EYS: variants seen among roughly 807,000 people sequenced by gnomAD.
EYS encodes the protein EGF-like photoreceptor maintenance factor.
EYS carries 250 observed loss-of-function variants against 282.1 expected under a neutral mutation model. The observed-to-expected ratio is 0.89, with a 90% CI of 0.80 to 0.98. EYS has a LOEUF of 0.98. Among genes scored for constraint, EYS ranks in the 50% least tolerant of loss-of-function variants. EYS has a pLI of 0.00. For synonymous variants in EYS, 1,355 were observed against 1,282.9 expected, an observed-to-expected ratio of 1.06 and a Z score of -1.20; for missense variants, 4,016 against 3,709.0, an observed-to-expected ratio of 1.08 and a Z score of -2.15.
chr6:64,187,305 T>C (rs1764975130), intron 31 of EYS, among the ~76,000 whole-genome samples: 2 of 151,996 alleles, frequency 1.3e-5, no homozygotes, highest in African/African-American at 4.8e-5. Context: ...TCAAATCTCT[T>C]CCCTTTAAAC....
At chr6:64,667,070 G>A (rs989953285) in intron 22 of EYS, among the ~76,000 whole-genome samples, 2 of 151,746 alleles carry the variant, frequency 1.3e-5, no homozygotes, top group Non-Finnish European at 2.9e-5. Flanking sequence ...ATCAAGAGGA[G>A]TTTCATAGTT....
At chr6:64,673,011 T>A (rs980450154) in intron 22 of EYS, among the ~76,000 whole-genome samples, 1 of 152,162 alleles carries the variant, frequency 6.6e-6, no homozygotes, top group African/African-American at 2.4e-5. Context: ...CCGCATAACT[T>A]CTATCTTTAT....
At chr6:64,717,713 T>A (rs138144580) in intron 22 of EYS, among the ~76,000 whole-genome samples, 2 of 152,266 alleles carry the variant, frequency 1.3e-5, no homozygotes, top group East Asian at 3.9e-4. Context: ...TCCATACCCT[T>A]TGAAACTATG....
intron 30 of EYS, among the ~76,000 whole-genome samples, chr6:64,300,706 C>G (rs890817851): frequency 6.6e-6 from 1 of 152,164 alleles, no homozygotes; most frequent in Non-Finnish European, 1.5e-5. Flanking sequence ...TAATTTGCAA[C>G]CTATAGGGCC....
intron 39 of EYS, among the ~76,000 whole-genome samples, chr6:63,780,043 C>G (rs911543291): frequency 1.3e-5 from 2 of 152,194 alleles, no homozygotes; most frequent in Non-Finnish European, 2.9e-5. Context: ...TGATGGTTTA[C>G]AGCTTCATCC....
At chr6:64,298,709 CTT>C (rs1048926204) in intron 30 of EYS, among the ~76,000 whole-genome samples, 4 of 152,098 alleles carry the variant, frequency 2.6e-5, no homozygotes, top group South Asian at 4.1e-4. Flanking sequence ...TGATTGTACT[CTT>C]GAATCAAAAA....
At chr6:65,613,567 T>A (rs1205357505) in intron 2 of EYS, among the ~76,000 whole-genome samples, 2 of 151,784 alleles carry the variant, frequency 1.3e-5, no homozygotes, top group Non-Finnish European at 3.0e-5. Flanking sequence ...AAATACATGA[T>A]CTGATTGCCA....
intron 2 of EYS, among the ~76,000 whole-genome samples, chr6:65,583,158 T>C (rs1329033223): frequency 6.6e-6 from 1 of 152,114 alleles, no homozygotes; most frequent in East Asian, 1.9e-4. Flanking sequence ...ATAATACTGC[T>C]GTAAAATCTT....
chr6:64,279,806 G>T (rs1562284818), intron 30 of EYS, among the ~76,000 whole-genome samples: 1 of 151,808 alleles, frequency 6.6e-6, no homozygotes, highest in East Asian at 1.9e-4. Context: ...CTTCATTCTT[G>T]ATTTCTCTAC....
chr6:63,836,990 A>G (rs1351422564), intron 36 of EYS, among the ~76,000 whole-genome samples: 1 of 151,964 alleles, frequency 6.6e-6, no homozygotes, highest in Non-Finnish European at 1.5e-5. Flanking sequence ...CTTTTGAAAC[A>G]GTTAATTTGA....
chr6:64,344,145 G>A (rs1771262699), intron 29 of EYS, among the ~76,000 whole-genome samples: 1 of 151,910 alleles, frequency 6.6e-6, no homozygotes, highest in Non-Finnish European at 1.5e-5. Context: ...GGAGCTGGTA[G>A]CATTCCTTCT....
chr6:65,373,521 T>G (rs940159962), intron 8 of EYS, among the ~76,000 whole-genome samples: 7 of 152,058 alleles, frequency 4.6e-5, no homozygotes, highest in African/African-American at 1.7e-4. Context: ...CTGGAATGAC[T>G]TCTAACATTT....
chr6:64,715,834 C>T (rs778545005), intron 22 of EYS, among the ~76,000 whole-genome samples: 4 of 152,196 alleles, frequency 2.6e-5, no homozygotes, highest in Non-Finnish European at 5.9e-5. Flanking sequence ...AGCTTGAATT[C>T]GTTGAGCAGG....
At chr6:63,940,245 A>G (rs1210225183) in intron 35 of EYS, among the ~76,000 whole-genome samples, 10 of 152,170 alleles carry the variant, frequency 6.6e-5, no homozygotes, top group Admixed American at 6.5e-4. Flanking sequence ...CTTGCTATGT[A>G]CCATAGATTG....
chr6:65,599,290 A>G (rs966748427), intron 2 of EYS, among the ~76,000 whole-genome samples: 5 of 152,122 alleles, frequency 3.3e-5, no homozygotes, highest in Non-Finnish European at 2.9e-5. Flanking sequence ...GGTAAACTGT[A>G]TATCTCTTCT....
intron 5 of EYS, among the ~76,000 whole-genome samples, chr6:65,407,547 C>A (rs1015719938): frequency 6.6e-6 from 1 of 152,096 alleles, no homozygotes; most frequent in African/African-American, 2.4e-5. Context: ...AGCCACTATG[C>A]CCGGCCTTGA....
rs1037676600 is a variant in EYS, at chr6:64,513,564, T to C, written c.5645-74212A>G. On this transcript the variant is annotated intron_variant, in intron 26 of 42. Coordinates refer to ENST00000503581, the MANE Select transcript of EYS (RefSeq NM_001142800.2). ...AAATGATTAAGTGCTAAATGGGTAA[T>C]GGATAATGGGCAGCTAATGGATAAC... 3.3e-5 allele frequency among the ~76,000 whole-genome samples: 5 copies of C among 151,884 alleles called. No individual in the cohort carries two copies. In the South Asian group the frequency reaches 1.0e-3, roughly 31 times the overall value.
chr6:65,494,262 T>C (rs1766148703), intron 4 of EYS, among the ~76,000 whole-genome samples: 1 of 151,210 alleles, frequency 6.6e-6, no homozygotes, highest in South Asian at 2.1e-4. Context: ...TTTTTATTTA[T>C]TTATTTTATT....
At position 64,813,539 on chromosome 6, in the gene EYS, A is replaced by G; in HGVS notation, c.3282T>C (p.Cys1094=). The G allele has an allele frequency of 6.5e-7, 1 of 1,550,048 alleles. No individual in the cohort carries two copies. Among genetic ancestry groups the G allele is most frequent in the Non-Finnish European group, 8.7e-7 (1 of 1,145,900 alleles). ...TSIPCMNEGF[C]QKSAHGFTCI... is the part of the protein sequence containing the mutation. ...AAGTAAATCCATGTGCTGACTTCTG[A>G]CAGAAGCCTTCATTCATACAAGGGA... is the stretch of plus-strand genomic sequence containing the variant. Residue 1094 remains cysteine (C), a synonymous_variant, in exon 22 of 43, where the codon TGT becomes TGC. Coordinates refer to ENST00000503581, the MANE Select transcript of EYS (RefSeq NM_001142800.2).
Sources: gnomAD v4.1 joint callset for allele counts (sites outside exome capture counted in the v4.1 genomes callset) on GRCh38, gnomAD v4.1.1 for gene constraint, MANE v1.5 for transcripts, NCBI Gene and HGNC (gene_info 2026-07-23, HGNC 2026-07-21) for gene names.